NTM: variants seen among roughly 807,000 people sequenced by gnomAD.
The protein encoded by NTM is neurotrimin.
In NTM, 13 loss-of-function variants were observed where a neutral mutation model predicts 42.1. The observed-to-expected ratio is 0.31, with a 90% CI of 0.20 to 0.49. The LOEUF is 0.49. NTM is among the 20% of genes least tolerant of loss of function. NTM has a pLI of 0.99. For synonymous variants in NTM, 187 were observed against 179.2 expected (o/e 1.04, Z -0.35); for missense variants, 373 against 452.8 (o/e 0.82, Z 1.60).
chr11:131,421,611 G>A (rs113595999), intron 1 of NTM, among the ~76,000 whole-genome samples: 58 of 152,192 alleles, frequency 3.8e-4, no homozygotes, highest in Non-Finnish European at 5.1e-4. Flanking sequence ...AGGAGATGAC[G>A]GGGAGGTGAC....
At chr11:132,272,296 G>T (rs2093519769) in intron 4 of NTM, among the ~76,000 whole-genome samples, 1 of 151,880 alleles carries the variant, frequency 6.6e-6, no homozygotes, top group Admixed American at 6.6e-5. Context: ...AGTGATATTT[G>T]GAATCTGGAA....
intron 4 of NTM, among the ~76,000 whole-genome samples, chr11:132,231,215 T>C (rs1326872848): frequency 1.3e-5 from 2 of 152,202 alleles, no homozygotes; most frequent in Admixed American, 6.5e-5. Context: ...CTTCAAGACC[T>C]TTTCACAATA....
chr11:132,310,259 C>T, intron 6 of NTM, 27 bp downstream of exon 6: 1 of 1,549,878 alleles, frequency 6.5e-7, no homozygotes, highest in Non-Finnish European at 8.7e-7. Context: ...TCCTATCCCA[C>T]CCCTACCCCC....
At chr11:131,919,489 A>G (rs573421859) in intron 2 of NTM, among the ~76,000 whole-genome samples, 1 of 152,164 alleles carries the variant, frequency 6.6e-6, no homozygotes, top group Non-Finnish European at 1.5e-5. Context: ...GGAGACAAAC[A>G]TCTCCAACAC....
chr11:131,498,309 G>C (rs1343574097), intron 1 of NTM, among the ~76,000 whole-genome samples: 1 of 152,192 alleles, frequency 6.6e-6, no homozygotes, highest in East Asian at 1.9e-4. Context: ...AGAGAGGTAA[G>C]GATATTACCC....
At chr11:131,639,426 A>G (rs574543743) in intron 1 of NTM, among the ~76,000 whole-genome samples, 1 of 152,366 alleles carries the variant, frequency 6.6e-6, no homozygotes, top group South Asian at 2.1e-4. Flanking sequence ...GCCACTTTCA[A>G]TAAAGAAATC....
chr11:131,923,486 G>A (rs1414086939), intron 2 of NTM, among the ~76,000 whole-genome samples: 3 of 152,152 alleles, frequency 2.0e-5, no homozygotes, highest in Non-Finnish European at 2.9e-5. Context: ...GTGAGCTGGC[G>A]TGTTTGTTTT....
In NTM at chr11:131,893,339, G is replaced by T. The variant is rs775523947; in HGVS notation, c.83-18225G>T. Among the ~76,000 whole-genome samples, 7 of 152,274 alleles carry T rather than the reference G, an allele frequency of 4.6e-5. No homozygotes were observed. The South Asian group carries it at 6.2e-4, about 14-fold the overall frequency. The stretch of plus-strand genomic sequence containing the variant: ...TATAAATGAGTCAGTTTCCTCCTTC[G>T]TAAAGAAGAAAATGATTCGGAGTTG... On this transcript the variant is annotated intron_variant, in intron 1 of 8. Transcript: ENST00000683400.
intron 1 of NTM, among the ~76,000 whole-genome samples, chr11:131,576,377 C>T (rs1416851128): frequency 6.6e-6 from 1 of 152,162 alleles, no homozygotes; most frequent in Admixed American, 6.5e-5. Flanking sequence ...TCCTAGCATC[C>T]TCTTTCCTCC....
rs537802359 is a variant in NTM, at chr11:132,104,585, C to CCCA, written c.168-41697_168-41696insCCA. Reference sequence around the variant, plus strand: ...TGGGAAACATAGTGGGACCCCCCCCCACCAAAAATAATAATAACTAATAGT... The same window carrying CCCA: ...TGGGAAACATAGTGGGACCCCCCCCCCCAACCAAAAATAATAATAACTAATAGT... On this transcript the variant is annotated intron_variant, in intron 2 of 8. Transcript: ENST00000683400. Among the ~76,000 whole-genome samples the CCCA allele has an allele frequency of 3.2e-3, 450 of 138,828 alleles. 6 individuals are homozygous for CCCA. The highest frequency in any genetic ancestry group is 0.012 in the African/African-American group (415 of 35,810). 91.1% of individuals were successfully genotyped at this position (138,828 alleles called of 152,430 possible).
chr11:132,238,450 G>T (rs1476388412), intron 4 of NTM, among the ~76,000 whole-genome samples: 2 of 152,134 alleles, frequency 1.3e-5, no homozygotes, highest in Admixed American at 6.5e-5. Flanking sequence ...TGAATCCACA[G>T]AATCCATTTT....
intron 3 of NTM, among the ~76,000 whole-genome samples, chr11:132,150,986 T>A (rs1352282550): frequency 6.6e-6 from 1 of 152,192 alleles, no homozygotes; most frequent in African/African-American, 2.4e-5. Context: ...CTGAACATAA[T>A]CTTTTTGTCC....
intron 1 of NTM, among the ~76,000 whole-genome samples, chr11:131,883,273 T>G (rs1228926517): frequency 6.6e-6 from 1 of 152,204 alleles, no homozygotes; most frequent in Non-Finnish European, 1.5e-5. Flanking sequence ...TATTCAAAGG[T>G]CACGCTATCT....
chr11:131,416,631 G>A (rs1398692824), intron 1 of NTM, among the ~76,000 whole-genome samples: 1 of 152,234 alleles, frequency 6.6e-6, no homozygotes, highest in Non-Finnish European at 1.5e-5. Context: ...CTTCCATTGT[G>A]TGTGGGGACA....
At chr11:131,514,791 A>G (rs1260122951) in intron 1 of NTM, among the ~76,000 whole-genome samples, 2 of 151,980 alleles carry the variant, frequency 1.3e-5, no homozygotes, top group South Asian at 2.1e-4. Flanking sequence ...GGGTTTCTCT[A>G]TGTTACCCAT....
chr11:131,797,961 T>A (rs1158532077), intron 1 of NTM, among the ~76,000 whole-genome samples: 8 of 152,106 alleles, frequency 5.3e-5, no homozygotes, highest in African/African-American at 9.7e-5. Context: ...TAATTTAAAA[T>A]GACATTTTTC....
intron 1 of NTM, among the ~76,000 whole-genome samples, chr11:131,831,984 C>T (rs911428345): frequency 1.4e-5 from 2 of 147,526 alleles, no homozygotes; most frequent in Non-Finnish European, 3.0e-5. Flanking sequence ...TATGAAAAGC[C>T]TAGTACATAT....
intron 4 of NTM, among the ~76,000 whole-genome samples, chr11:132,224,221 C>T (rs1465951704): frequency 2.0e-5 from 3 of 152,134 alleles, no homozygotes; most frequent in East Asian, 1.9e-4. Flanking sequence ...GAGAAAGCTA[C>T]CGAGGAGGCA....
At chr11:132,061,969 G>T (rs932793557) in intron 2 of NTM, among the ~76,000 whole-genome samples, 2 of 152,026 alleles carry the variant, frequency 1.3e-5, no homozygotes, top group Non-Finnish European at 2.9e-5. Context: ...GGTATCATTT[G>T]CTAGTTTTAA....
Sources: gnomAD v4.1 joint callset for allele counts (sites outside exome capture counted in the v4.1 genomes callset) on GRCh38, gnomAD v4.1.1 for gene constraint, MANE v1.5 for transcripts, NCBI Gene and HGNC (gene_info 2026-07-23, HGNC 2026-07-21) for gene names.